DYNC1I2: variants seen among roughly 807,000 people sequenced by gnomAD.
DYNC1I2 encodes the protein dynein cytoplasmic 1 intermediate chain 2.
DYNC1I2 carries 53 observed loss-of-function variants against 88.6 expected under a neutral mutation model. The observed-to-expected ratio is 0.60, with a 90% CI of 0.48 to 0.75. The LOEUF is 0.75. Ranked by LOEUF, DYNC1I2 falls within the 30% of genes least tolerant of loss-of-function variation. The pLI, the probability that DYNC1I2 is intolerant of heterozygous loss-of-function variation, is 0.00. For synonymous variants in DYNC1I2, 198 were observed against 254.6 expected (o/e 0.78, Z 2.12); for missense variants, 458 against 766.6 (o/e 0.60, Z 4.75).
chr2:171,729,917 T>C (rs1280966128), intron 15 of DYNC1I2, 64 bp downstream of exon 15: 1 of 1,550,914 alleles, frequency 6.4e-7, no homozygotes, highest in East Asian at 2.2e-5. Flanking sequence ...GATCTAATAC[T>C]ACATAGGAAT....
At chr2:171,714,266 T>C (rs1032934113) in intron 6 of DYNC1I2, among the ~76,000 whole-genome samples, 1 of 152,064 alleles carries the variant, frequency 6.6e-6, no homozygotes, top group Admixed American at 6.5e-5. Flanking sequence ...TTTTGGAACA[T>C]TAATTTTTAA....
At chr2:171,736,173 TG>T (rs1477509139) in intron 15 of DYNC1I2, among the ~76,000 whole-genome samples, 1 of 152,198 alleles carries the variant, frequency 6.6e-6, no homozygotes, top group Admixed American at 6.5e-5. Context: ...GCTTTGAAGT[TG>T]GGTGTTCTTA....
chr2:171,712,955 G>A (rs1559379499), intron 6 of DYNC1I2, 129 bp downstream of exon 6: 1 of 731,896 alleles, frequency 1.4e-6, no homozygotes, highest in Non-Finnish European at 2.3e-6. Context: ...ATATTTTACT[G>A]TGACACCTCA....
At chr2:171,742,888 T>A (rs1050465801) in intron 15 of DYNC1I2, among the ~76,000 whole-genome samples, 2 of 152,220 alleles carry the variant, frequency 1.3e-5, no homozygotes, top group Admixed American at 6.5e-5. Context: ...GAACTTTGAT[T>A]TGTTAATTTT....
chr2:171,714,958 TAAAAA>T (rs1396008926), intron 6 of DYNC1I2, among the ~76,000 whole-genome samples: 1 of 151,906 alleles, frequency 6.6e-6, no homozygotes, highest in African/African-American at 2.4e-5. Context: ...GTCTGATTCT[TAAAAA>T]AAAGTCCAGA....
At chr2:171,730,376 A>AT (rs1191429894) in intron 15 of DYNC1I2, among the ~76,000 whole-genome samples, 1 of 152,216 alleles carries the variant, frequency 6.6e-6, no homozygotes, top group Non-Finnish European at 1.5e-5. Context: ...GGATGCATAT[A>AT]TTTTTTGTTA....
chr2:171,738,891 G>A (rs1045273540), intron 15 of DYNC1I2, among the ~76,000 whole-genome samples: 25 of 152,172 alleles, frequency 1.6e-4, no homozygotes, highest in African/African-American at 5.8e-4. Flanking sequence ...GCTCACGCCT[G>A]TAATCCCAGC....
chr2:171,696,250 T>C (rs751962552), intron 3 of DYNC1I2, among the ~76,000 whole-genome samples: 2 of 152,202 alleles, frequency 1.3e-5, no homozygotes, highest in African/African-American at 2.4e-5. Context: ...AGGCTAAGTA[T>C]TCCTAATCCA....
chr2:171,699,812 A>T (rs956236298), intron 3 of DYNC1I2, among the ~76,000 whole-genome samples: 6 of 150,916 alleles, frequency 4.0e-5, no homozygotes, highest in Admixed American at 1.3e-4. Context: ...AGTTTAAAAA[A>T]TTTTTTTTTG....
chr2:171,743,490 C>T (rs1414315098), intron 15 of DYNC1I2, among the ~76,000 whole-genome samples: 1 of 152,212 alleles, frequency 6.6e-6, no homozygotes, highest in East Asian at 1.9e-4. Flanking sequence ...GTCCAGTGAG[C>T]ATCTGCTATG....
chr2:171,726,928 T>C lies in DYNC1I2; in HGVS notation c.996+12T>C. The C allele has an allele frequency of 6.3e-7, 1 of 1,590,712 alleles. No individual in the cohort carries two copies. The highest frequency in any genetic ancestry group is 1.1e-5 in the South Asian group (1 of 86,968). Reference sequence around the variant, plus strand: ...TGTTTCACTGCCAGGTATGGTGGTCTTTTAACAGTCTTCGCCTCAAGTTTA... The same window carrying C: ...TGTTTCACTGCCAGGTATGGTGGTCCTTTAACAGTCTTCGCCTCAAGTTTA... On this transcript the variant is annotated intron_variant, in intron 11 of 17. Transcript: ENST00000397119.
chr2:171,691,509 G>A (rs142504476), intron 2 of DYNC1I2, among the ~76,000 whole-genome samples: 2,376 of 152,260 alleles, frequency 0.016, 31 homozygotes, highest in Non-Finnish European at 0.025. Flanking sequence ...AAAGTTGAAG[G>A]TACAATTTAT....
At chr2:171,695,178 C>G (rs780537766) in intron 3 of DYNC1I2, among the ~76,000 whole-genome samples, 5 of 152,030 alleles carry the variant, frequency 3.3e-5, no homozygotes, top group Non-Finnish European at 5.9e-5. Context: ...CAGCTCACTG[C>G]AACCTCCACC....
chr2:171,725,614 T>TC lies in DYNC1I2; in HGVS notation c.512-3dup. 1.4e-6 allele frequency: 2 copies of TC among 1,439,426 alleles called. No homozygotes were observed. The highest frequency in any genetic ancestry group is 2.7e-5 in the Admixed American group (1 of 37,652). 89.2% of individuals were successfully genotyped at this position (1,439,426 alleles called of 1,614,324 possible). ...TTTTTGTTTGTTTTTTTTTTTTTTT[T>TC]CAGATGAAGAGGAAGATGATGATGT... On this transcript the variant is annotated splice_polypyrimidine_tract_variant and splice_region_variant and intron_variant, in intron 7 of 17. Transcript: ENST00000397119.
intron 5 of DYNC1I2, among the ~76,000 whole-genome samples, chr2:171,709,936 C>T (rs924583865): frequency 2.6e-5 from 4 of 152,070 alleles, no homozygotes; most frequent in Non-Finnish European, 4.4e-5. Flanking sequence ...AGGCTGGTCT[C>T]GAACTCCTGA....
intron 7 of DYNC1I2, among the ~76,000 whole-genome samples, chr2:171,725,051 A>G (rs1486414462): frequency 6.6e-6 from 1 of 152,216 alleles, no homozygotes; most frequent in African/African-American, 2.4e-5. Context: ...TCTTATAGCT[A>G]TTATCTTCAA....
intron 15 of DYNC1I2, among the ~76,000 whole-genome samples, chr2:171,736,757 T>C (rs188733536): frequency 9.2e-5 from 14 of 152,330 alleles, no homozygotes; most frequent in Admixed American, 7.8e-4. Context: ...TCAAGTTATA[T>C]AGAAAGATAT....
chr2:171,711,878 T>C (rs938557490), intron 5 of DYNC1I2, among the ~76,000 whole-genome samples: 5 of 152,226 alleles, frequency 3.3e-5, no homozygotes, highest in African/African-American at 1.2e-4. Context: ...TGCTTAACTT[T>C]ATTTAGTGGG....
At chr2:171,693,728 G>C (rs1043399265) in intron 3 of DYNC1I2, among the ~76,000 whole-genome samples, 1 of 152,172 alleles carries the variant, frequency 6.6e-6, no homozygotes, top group Non-Finnish European at 1.5e-5. Context: ...AGATGAAAAG[G>C]CTGGCTACTC....
Sources: gnomAD v4.1 joint callset for allele counts (sites outside exome capture counted in the v4.1 genomes callset) on GRCh38, gnomAD v4.1.1 for gene constraint, MANE v1.5 for transcripts, NCBI Gene and HGNC (gene_info 2026-07-23, HGNC 2026-07-21) for gene names.